The following SLC48A1 variants were observed in gnomAD, a reference collection of about 807,000 sequenced individuals.
SLC48A1 encodes solute carrier family 48 member 1.
SLC48A1 carries 6 observed loss-of-function variants against 14.8 expected under a neutral mutation model. The ratio of observed to expected loss-of-function variants is 0.41; its 90% CI spans 0.22 to 0.80. The LOEUF (loss-of-function observed/expected upper bound fraction) is 0.80, where lower values mean the gene tolerates loss of function less well. Ranked by LOEUF, SLC48A1 falls within the 30% of genes least tolerant of loss-of-function variation. The probability of loss-of-function intolerance (pLI) is 0.34; values close to 1 mark genes in which losing one functional copy is unlikely to be tolerated. For synonymous variants in SLC48A1, 89 were observed against 90.0 expected (o/e 0.99, Z 0.06); for missense variants, 165 against 204.8 (o/e 0.81, Z 1.19).
chr12:47,777,269 C>T lies in SLC48A1; in HGVS notation c.137-1759C>T, dbSNP rs1942775103. Reference sequence around the variant, plus strand: ...GGAGGAACAGATGCTTGTCCTGGCCCACCCTGATCTCAGTAGGAGGGGGAC... The same window carrying T: ...GGAGGAACAGATGCTTGTCCTGGCCTACCCTGATCTCAGTAGGAGGGGGAC... On this transcript the variant is annotated intron_variant, in intron 1 of 2. Transcript: ENST00000442218. The surrounding 1 kb of genome is among the most constrained non-coding windows in gnomAD (Gnocchi z 4.5). Among the ~76,000 whole-genome samples the T allele has an allele frequency of 1.3e-5, 2 of 152,174 alleles. No individual in the cohort carries two copies. The highest frequency in any genetic ancestry group is 2.9e-5 in the Non-Finnish European group (2 of 68,028).
intron 2 of SLC48A1, among the ~76,000 whole-genome samples, chr12:47,779,397 G>A (rs1286007904): frequency 2.0e-5 from 3 of 152,220 alleles, no homozygotes. Flanking sequence ...AAACTGATGT[G>A]AAGTCTTGAG....
chr12:47,758,736 G>T, intron 1 of SLC48A1: 1 of 1,334,402 alleles, frequency 7.5e-7, no homozygotes. Context: ...AGGGCTCGGT[G>T]GAGAGGCTCC....
intron 1 of SLC48A1, chr12:47,758,719 A>T: frequency 1.1e-5 from 14 of 1,230,574 alleles, no homozygotes; most frequent in African/African-American, 3.2e-5. Context: ...CCAGGGCAGC[A>T]GGATGCAGGG....
Position 47,773,418 on chromosome 12 carries a change from C to G in SLC48A1, c.114C>G (p.Thr38=). The G allele has an allele frequency of 1.4e-6, 2 of 1,439,122 alleles. No individual in the cohort carries two copies. The highest frequency in any genetic ancestry group is 1.8e-6 in the Non-Finnish European group (2 of 1,089,516). 89.1% of individuals were successfully genotyped at this position (1,439,122 alleles called of 1,614,324 possible). The stretch of plus-strand genomic sequence containing the variant: ...CGGTGGTCTACCGACAGCCGGGGAC[C>G]GCGGCCATGGGAGGGCTCGCAGGTA... The part of the protein sequence containing the change: ...VWTVVYRQPG[T]AAMGGLAGVL... Residue 38 remains threonine, a synonymous_variant, in exon 1 of 3, where the codon ACC becomes ACG. Coordinates refer to ENST00000442218, the MANE Select transcript of SLC48A1 (RefSeq NM_017842.3).
chr12:47,775,313 C>A (rs1942723592), intron 1 of SLC48A1, among the ~76,000 whole-genome samples: 1 of 152,206 alleles, frequency 6.6e-6, no homozygotes, highest in South Asian at 2.1e-4. Flanking sequence ...ACAGGCTTCC[C>A]TTGGCCTATG....
upstream of SLC48A1, chr12:47,757,811 C>G: frequency 6.8e-7 from 1 of 1,474,670 alleles, no homozygotes; most frequent in Non-Finnish European, 9.2e-7. Context: ...ATGATCTAGG[C>G]CCCCCTCTAG....
chr12:47,780,032 T>C (rs932189667), intron 2 of SLC48A1, 113 bp from the exon 3 acceptor site: 1 of 1,324,880 alleles, frequency 7.5e-7, no homozygotes, highest in Non-Finnish European at 1.0e-6. Context: ...TTGGTTCAGC[T>C]GCCAGGACGT....
intron 2 of SLC48A1, among the ~76,000 whole-genome samples, chr12:47,779,414 A>G (rs1249184296): frequency 2.6e-5 from 4 of 152,216 alleles, no homozygotes; most frequent in Non-Finnish European, 5.9e-5. Context: ...TGAGCAGTGC[A>G]TAGCCCATAC....
In SLC48A1 at chr12:47,763,117, T is replaced by C. The variant is rs138086553; in HGVS notation, c.-187+2716T>C. Among the ~76,000 whole-genome samples, 974 of 152,328 alleles carry C rather than the reference T, an allele frequency of 6.4e-3. 16 individuals carry two copies. The highest frequency in any genetic ancestry group is 0.023 in the African/African-American group (942 of 41,554). On this transcript the variant is annotated intron_variant, in intron 2 of 4. Coordinates refer to the SLC48A1 transcript ENST00000547002. ...GTGGGCAGTCAGCTGGTGCCTGCTA[T>C]GGGCCTGTAGCCTCAGCAGGGTGGA...
chr12:47,773,202 C>G (rs1942663326), upstream of SLC48A1: 1 of 1,024,584 alleles, frequency 9.8e-7, no homozygotes, highest in Non-Finnish European at 1.2e-6. Context: ...GCGCGGGGCG[C>G]CGGCTGCTCT....
chr12:47,758,782 G>A (rs1942259292), intron 1 of SLC48A1: 3 of 1,230,380 alleles, frequency 2.4e-6, no homozygotes, highest in Non-Finnish European at 3.0e-6. Context: ...CGTGGTGGGG[G>A]GACGCCACCC....
upstream of SLC48A1, chr12:47,772,331 G>A (rs1328558771): frequency 1.3e-5 from 2 of 154,730 alleles, no homozygotes; most frequent in African/African-American, 4.8e-5. Flanking sequence ...GTATGATCCC[G>A]AGGGTCAGGG....
chr12:47,775,758 G>C (rs1413623912), intron 1 of SLC48A1, among the ~76,000 whole-genome samples: 1 of 152,188 alleles, frequency 6.6e-6, no homozygotes, highest in East Asian at 1.9e-4. Context: ...CCAGTTTCTG[G>C]AGCAGAGTCA....
At chr12:47,758,759 A>G in intron 1 of SLC48A1, 1 of 1,117,658 alleles carries the variant, frequency 8.9e-7, no homozygotes, top group East Asian at 4.6e-5. Context: ...TTGGGTGAGT[A>G]GAGGGGTGGG....
upstream of SLC48A1, chr12:47,757,870 C>T (rs1942178907): frequency 3.2e-6 from 5 of 1,553,626 alleles, no homozygotes; most frequent in East Asian, 2.4e-5. Flanking sequence ...ACTCACCCAG[C>T]GCAGCCCCTG....
rs1241034385 is a variant in SLC48A1, at chr12:47,777,479, C to T, written c.137-1549C>T. On this transcript the variant is annotated intron_variant, in intron 1 of 2. Coordinates refer to ENST00000442218, the MANE Select transcript of SLC48A1 (RefSeq NM_017842.3). This position sits in a 1 kb window ranked among gnomAD's most constrained non-coding sequence, Gnocchi z 4.5. ...AACTGGCAGGACCCCTGGGCCCACCCATTTTTAGATGTGGAAACACCAAGG... is the reference window on the plus strand; with the variant it reads ...AACTGGCAGGACCCCTGGGCCCACCTATTTTTAGATGTGGAAACACCAAGG... Among the ~76,000 whole-genome samples the T allele has an allele frequency of 6.6e-6, 1 of 152,200 alleles. No homozygotes were observed. Among genetic ancestry groups the T allele is most frequent in the Non-Finnish European group, 1.5e-5 (1 of 68,032 alleles).
chr12:47,774,012 A>G (rs376551209), intron 1 of SLC48A1, among the ~76,000 whole-genome samples: 154 of 152,250 alleles, frequency 1.0e-3, no homozygotes, highest in African/African-American at 3.0e-3. Context: ...CACAGGGAGG[A>G]CGGCGTTAGG....
chr12:47,757,996 G>T (rs372882833), upstream of SLC48A1: 25 of 1,572,726 alleles, frequency 1.6e-5, no homozygotes, highest in African/African-American at 2.7e-4. Flanking sequence ...GTCAGGGAGG[G>T]CTCCCACCCG....
At chr12:47,759,055 G>T in intron 1 of SLC48A1, 1 of 986,498 alleles carries the variant, frequency 1.0e-6, no homozygotes, top group Non-Finnish European at 1.2e-6. Flanking sequence ...TACCAGAGTG[G>T]ACATCCGCCT....
Sources: gnomAD v4.1 joint callset for allele counts (sites outside exome capture counted in the v4.1 genomes callset) on GRCh38, gnomAD v4.1.1 for gene constraint, Gnocchi (gnomAD v3.1) non-coding constraint, MANE v1.5 for transcripts, NCBI Gene and HGNC (gene_info 2026-07-23, HGNC 2026-07-21) for gene names.